The following EVC variants were observed in gnomAD, a reference collection of about 807,000 sequenced individuals.
EVC encodes evC complex member EVC.
A neutral mutation model predicts 118.9 loss-of-function variants in EVC; 116 were observed. The observed-to-expected ratio is 0.98, with a 90% CI of 0.84 to 1.14. The LOEUF is 1.14. EVC is among the 50% of genes most tolerant of loss of function. The probability of loss-of-function intolerance (pLI) is 0.00; values close to 1 mark genes in which losing one functional copy is unlikely to be tolerated. For synonymous variants in EVC, 619 were observed against 534.7 expected, an observed-to-expected ratio of 1.16 and a Z score of -2.18; for missense variants, 1,401 against 1,246.4, an observed-to-expected ratio of 1.12 and a Z score of -1.87.
Position 5,804,753 on chromosome 4 carries a change from C to G in EVC, c.2473C>G (p.Leu825Val). The change falls in exon 17 of 21, where the codon CTG becomes GTG. Residue 825 changes from leucine to valine, a missense_variant. Leu to Val is a conservative substitution (Grantham distance 32). Transcript: ENST00000264956. Reference protein sequence around the residue: ...LQGERMENYKLRKKQELSNPS... With the variant: ...LQGERMENYKVRKKQELSNPS... The stretch of plus-strand genomic sequence containing the variant: ...AGGTGAGAGGATGGAAAATTACAAA[C>G]TGCGGAAAAAGCAAGAACTCAGCAA... The G allele has an allele frequency of 6.2e-7, 1 of 1,614,160 alleles. No individual in the cohort carries two copies. Among genetic ancestry groups the G allele is most frequent in the Non-Finnish European group, 8.5e-7 (1 of 1,180,038 alleles).
chr4:5,828,169 T>G, the EVC span: 3 of 985,306 alleles, frequency 3.0e-6, no homozygotes, highest in Non-Finnish European at 3.6e-6. Context: ...CTCCCGTGGG[T>G]GGGCAGGATT....
At chr4:5,720,727 C>A (rs1233884256) in intron 2 of EVC, among the ~76,000 whole-genome samples, 1 of 152,164 alleles carries the variant, frequency 6.6e-6, no homozygotes, top group Non-Finnish European at 1.5e-5. Context: ...ATGGGGAAGC[C>A]TCTGCTGCTA....
the EVC span, chr4:5,824,754 A>C: frequency 8.1e-6 from 8 of 985,236 alleles, no homozygotes; most frequent in Non-Finnish European, 9.6e-6. Flanking sequence ...CCATACTCTT[A>C]GTACCCAGCA....
Position 5,754,938 on chromosome 4 carries a change from C to T in EVC, c.1464+1005C>T, listed in dbSNP as rs961008990. Among the ~76,000 whole-genome samples the T allele has an allele frequency of 1.3e-5, 2 of 152,052 alleles. No individual in the cohort carries two copies. The highest frequency in any genetic ancestry group is 2.9e-5 in the Non-Finnish European group (2 of 67,990). On this transcript the variant is annotated intron_variant, in intron 10 of 20. Transcript: ENST00000264956. This position sits in a 1 kb window ranked among gnomAD's most constrained non-coding sequence, Gnocchi z 5.8. ...GTGGCACCATGTCTGGGTCCAGGCT[C>T]AGCCCAGAATAGAGGCCCAGGGGCT...
rs766117986 is a variant in EVC at position 5,752,818 on chromosome 4, G to T, written c.1099-18G>T. The T allele has an allele frequency of 6.2e-7, 1 of 1,613,660 alleles. No homozygotes were observed. Among genetic ancestry groups the T allele is most frequent in the Non-Finnish European group, 8.5e-7 (1 of 1,179,534 alleles). On this transcript the variant is annotated intron_variant, in intron 8 of 20. Coordinates refer to ENST00000264956, the MANE Select transcript of EVC (RefSeq NM_153717.3). The stretch of plus-strand genomic sequence containing the variant: ...CCCAGGACACCCCAGCTATGGTCCT[G>T]TGTGTTTCTTTTTGCAGGACGCCCT...
In EVC at chr4:5,733,155, C is replaced by G. The variant is rs73795032; in HGVS notation, c.618-196C>G. 0.17 allele frequency among the ~76,000 whole-genome samples: 26,401 copies of G among 152,066 alleles called. 3,141 individuals carry two copies. The highest frequency in any genetic ancestry group is 0.34 in the African/African-American group (14,167 of 41,428). On this transcript the variant is annotated intron_variant, in intron 4 of 20. Transcript: ENST00000264956. ...TCTGACACCAACTGTTCTCTTATGG[C>G]CATTAGTGGGTTTCAAACAGCTCAT...
At chr4:5,802,188 A>G (rs770524208) in intron 16 of EVC, 94 bp downstream of exon 16, 11 of 1,483,490 alleles carry the variant, frequency 7.4e-6, no homozygotes, top group African/African-American at 1.4e-5. Flanking sequence ...TGTGAATTTT[A>G]TTTTTGGGAA....
At chr4:5,724,970 T>C (rs990888449) in intron 2 of EVC, among the ~76,000 whole-genome samples, 6 of 152,096 alleles carry the variant, frequency 3.9e-5, no homozygotes, top group African/African-American at 1.4e-4. Context: ...AGTGAGAACA[T>C]GCGGTGTTTG....
rs1714335016 is a variant in EVC at position 5,798,245 on chromosome 4, A to T, written c.2098-341A>T. On this transcript the variant is annotated intron_variant, in intron 14 of 20. Transcript: ENST00000264956. This position sits in a 1 kb window ranked among gnomAD's most constrained non-coding sequence, Gnocchi z 4.1. Reference sequence around the variant, plus strand: ...GCTGTGTGACTTTAGAAAGTTACTTAACTTCTCTGAGCCTTCGTGTCCTCC... The same window carrying T: ...GCTGTGTGACTTTAGAAAGTTACTTTACTTCTCTGAGCCTTCGTGTCCTCC... Among the ~76,000 whole-genome samples, 1 of 152,142 alleles carries T rather than the reference A, an allele frequency of 6.6e-6. No homozygotes were observed. Among genetic ancestry groups the T allele is most frequent in the Admixed American group, 6.5e-5 (1 of 15,284 alleles).
At chr4:5,744,180 C>G (rs903256470) in intron 6 of EVC, among the ~76,000 whole-genome samples, 11 of 152,174 alleles carry the variant, frequency 7.2e-5, no homozygotes, top group South Asian at 2.1e-4. Flanking sequence ...AGAGTAAGGA[C>G]AAGCCTGGCA....
At chr4:5,781,220 T>C (rs1208657641) in intron 11 of EVC, among the ~76,000 whole-genome samples, 1 of 152,116 alleles carries the variant, frequency 6.6e-6, no homozygotes. Context: ...GGAATGTGGG[T>C]GCTCTAGTTG....
chr4:5,772,984 T>C (rs1734213867), intron 11 of EVC, among the ~76,000 whole-genome samples: 1 of 152,142 alleles, frequency 6.6e-6, no homozygotes, highest in East Asian at 1.9e-4. Context: ...CTCCTGGTCA[T>C]CACATGTGCC....
Position 5,748,223 on chromosome 4 carries a change from G to A in EVC, c.1015G>A (p.Ala339Thr), listed in dbSNP as rs377390727. 1 of 1,614,030 alleles carries A rather than the reference G, an allele frequency of 6.2e-7. No homozygotes were observed. Among genetic ancestry groups the A allele is most frequent in the African/African-American group, 1.3e-5 (1 of 74,932 alleles). ...CCAGTTTAAGTGTTCCAGCTCCAAA[G>A]CCCGACAGCTGATGATGACTCTGAC... The part of the protein sequence containing the change: ...VDQFKCSSSK[A>T]RQLMMTLTER... The change falls in exon 8 of 21, where the codon GCC becomes ACC. Residue 339 changes from alanine (A) to threonine (T), a missense_variant. Ala to Thr is a moderately conservative substitution (Grantham distance 58). Coordinates refer to ENST00000264956, the MANE Select transcript of EVC (RefSeq NM_153717.3).
At chr4:5,825,910 C>G in the EVC span, 1 of 517,654 alleles carries the variant, frequency 1.9e-6, no homozygotes, top group Non-Finnish European at 3.4e-6. The surrounding 1 kb of genome is among the most constrained non-coding windows in gnomAD (Gnocchi z 4.4). Context: ...GACGCACACA[C>G]CACGCACACG....
intron 1 of EVC, 33 bp downstream of exon 1, chr4:5,711,587 G>A: frequency 8.5e-7 from 1 of 1,170,666 alleles, no homozygotes; most frequent in Non-Finnish European, 1.1e-6. Context: ...GGCGGGGCGG[G>A]GAGCGCGGGG....
intron 13 of EVC, among the ~76,000 whole-genome samples, chr4:5,794,209 T>C (rs1291353479): frequency 2.3e-5 from 2 of 88,786 alleles, no homozygotes; most frequent in Non-Finnish European, 5.3e-5. Context: ...TTTTTTTCCT[T>C]CTTTCATTAT....
At chr4:5,824,049 C>CAAGGGTGA in the EVC span, among the ~76,000 whole-genome samples, 1 of 152,134 alleles carries the variant, frequency 6.6e-6, no homozygotes, top group Non-Finnish European at 1.5e-5. Context: ...ACTGAGAGAA[C>CAAGGGTGA]AAGGGTGAGG....
chr4:5,729,471 CTG>C, intron 3 of EVC, 81 bp downstream of exon 3: 2 of 1,335,396 alleles, frequency 1.5e-6, no homozygotes, highest in Non-Finnish European at 2.2e-6. Context: ...GGGGGATTAA[CTG>C]TGTGATGTTT....
At chr4:5,785,879 C>G (rs1002895245) in intron 12 of EVC, among the ~76,000 whole-genome samples, 3 of 152,282 alleles carry the variant, frequency 2.0e-5, no homozygotes, top group African/African-American at 4.8e-5. Context: ...GGCCGCAGAC[C>G]AATTCATTTA....
Sources: gnomAD v4.1 joint callset for allele counts (sites outside exome capture counted in the v4.1 genomes callset) on GRCh38, gnomAD v4.1.1 for gene constraint, Gnocchi (gnomAD v3.1) non-coding constraint, MANE v1.5 for transcripts, NCBI Gene and HGNC (gene_info 2026-07-23, HGNC 2026-07-21) for gene names.